The following IPO8 variants were observed in gnomAD, a reference collection of about 807,000 sequenced individuals.
IPO8 encodes the protein importin-8.
Under a neutral mutation model 141.2 loss-of-function variants are expected in IPO8, and 65 were observed. The observed-to-expected ratio is 0.46, with a 90% CI of 0.38 to 0.57. The LOEUF is 0.57. Among genes scored for constraint, IPO8 ranks in the 20% least tolerant of loss-of-function variants. The pLI, the probability that IPO8 is intolerant of heterozygous loss-of-function variation, is 0.00. For synonymous variants in IPO8, 411 were observed against 420.3 expected, an observed-to-expected ratio of 0.98 and a Z score of 0.27; for missense variants, 980 against 1,246.8, an observed-to-expected ratio of 0.79 and a Z score of 3.22.
intron 2 of IPO8, among the ~76,000 whole-genome samples, chr12:30,689,717 AATG>A (rs1271539534): frequency 1.3e-5 from 2 of 152,208 alleles, no homozygotes; most frequent in Non-Finnish European, 2.9e-5. Context: ...ACCTAACGTT[AATG>A]ATGAGTAATG....
chr12:30,659,733 T>C (rs1171598179), intron 16 of IPO8, among the ~76,000 whole-genome samples: 4 of 149,350 alleles, frequency 2.7e-5, no homozygotes, highest in Non-Finnish European at 5.9e-5. Flanking sequence ...CGGGCACCTG[T>C]AGTTCCAGCT....
At position 30,683,459 on chromosome 12, in the gene IPO8, T is replaced by A. The variant is rs192175391; in HGVS notation, c.323+842A>T. On this transcript the variant is annotated intron_variant, in intron 3 of 24. Coordinates refer to ENST00000256079, the MANE Select transcript of IPO8 (RefSeq NM_006390.4). ...TATTAAAAAATTTCATTCCTCTACC[T>A]CTGTTTTCACCTATTTGTCCCTCCC... Among the ~76,000 whole-genome samples the A allele has an allele frequency of 1.1e-3, 172 of 152,302 alleles. 1 individual carries two copies. Among genetic ancestry groups the A allele is most frequent in the Non-Finnish European group, 1.8e-3 (124 of 68,002 alleles).
At chr12:30,635,540 T>G (rs995164382) in intron 22 of IPO8, among the ~76,000 whole-genome samples, 5 of 152,146 alleles carry the variant, frequency 3.3e-5, no homozygotes, top group Non-Finnish European at 7.4e-5. Flanking sequence ...CCATGGATTC[T>G]GTATCTATTT....
At chr12:30,687,310 T>C (rs936828629) in intron 2 of IPO8, among the ~76,000 whole-genome samples, 13 of 152,214 alleles carry the variant, frequency 8.5e-5, no homozygotes, top group African/African-American at 2.9e-4. Flanking sequence ...ATGATAAAAA[T>C]GGCTGCTCTA....
chr12:30,666,938 G>C (rs2052974778), intron 10 of IPO8, among the ~76,000 whole-genome samples: 1 of 152,158 alleles, frequency 6.6e-6, no homozygotes, highest in Non-Finnish European at 1.5e-5. Context: ...AGTTCAGCAG[G>C]TTTTGTTGAA....
intron 6 of IPO8, among the ~76,000 whole-genome samples, chr12:30,675,478 G>A (rs2053106766): frequency 6.6e-6 from 1 of 152,038 alleles, no homozygotes; most frequent in Non-Finnish European, 1.5e-5. Flanking sequence ...ATTCTTAAGA[G>A]TTAAAACACT....
chr12:30,656,534 C>A, intron 17 of IPO8, 150 bp downstream of exon 17: 1 of 466,862 alleles, frequency 2.1e-6, no homozygotes, highest in South Asian at 3.2e-5. Context: ...AGATATTTAA[C>A]ACTAGAAAGG....
In IPO8 at chr12:30,638,009, A is replaced by C. The variant is rs181489327; in HGVS notation, c.2490-822T>G. 3.9e-5 allele frequency among the ~76,000 whole-genome samples: 6 copies of C among 152,324 alleles called. No individual in the cohort carries two copies. The East Asian group carries it at 1.2e-3, about 29-fold the overall frequency. ...GATTGATTCAAGTCACTAATGCCCA[A>C]CTAGTACGCTATAACAGAACTGTAC... is the stretch of plus-strand genomic sequence containing the variant. On this transcript the variant is annotated intron_variant, in intron 21 of 24. Transcript: ENST00000256079.
rs561401603 is a variant in IPO8, at chr12:30,632,094, A to C, written c.2900-83T>G. 57 of 870,618 alleles carry C rather than the reference A, an allele frequency of 6.5e-5. No homozygotes were observed. The African/African-American group carries it at 8.8e-4, about 13-fold the overall frequency. The allele number at this position is 870,618 out of a possible 1,614,324, so 53.9% of individuals were successfully genotyped here. On this transcript the variant is annotated intron_variant, in intron 23 of 24. Transcript: ENST00000256079. ...AAGTAGTAACATGATCAAATTACAA[A>C]GAAATTATCCCAGACAGTAAGAGAC... is the stretch of plus-strand genomic sequence containing the variant.
chr12:30,649,636 C>T (rs1475280074), intron 19 of IPO8, among the ~76,000 whole-genome samples: 1 of 152,092 alleles, frequency 6.6e-6, no homozygotes, highest in Non-Finnish European at 1.5e-5. Context: ...ACCATAATTT[C>T]ATATTACATA....
chr12:30,649,219 T>C lies in IPO8; in HGVS notation c.2186A>G (p.Asp729Gly). 14 of 1,612,536 alleles carry C rather than the reference T, an allele frequency of 8.7e-6. No individual in the cohort carries two copies. The highest frequency in any genetic ancestry group is 1.3e-5 in the African/African-American group (1 of 74,982). Reference protein sequence around the residue: ...FTMCRKVLCGDAGEDAECHAA... With the variant: ...FTMCRKVLCGGAGEDAECHAA... Reference sequence around the variant, plus strand: ...ATGACACTCTGCATCTTCTCCTGCATCTCCACATAGTACCTGCAGTAATTA... The same window carrying C: ...ATGACACTCTGCATCTTCTCCTGCACCTCCACATAGTACCTGCAGTAATTA... Residue 729 changes from aspartate to glycine, a missense_variant, in exon 20 of 25, where the codon GAT (aspartate) becomes GGT (glycine). Around this residue, in one of 3 missense-constraint regions of IPO8, gnomAD observed 924 missense variants for 1,153.9 expected, o/e 0.80. Transcript: ENST00000256079.
chr12:30,682,725 T>G (rs560056054), intron 3 of IPO8, among the ~76,000 whole-genome samples: 45 of 149,164 alleles, frequency 3.0e-4, no homozygotes, highest in South Asian at 2.3e-3. Flanking sequence ...ACAGGGCAAC[T>G]AAAAAAAAAA....
In IPO8 at chr12:30,649,238, G is replaced by A. The variant is rs751158449; in HGVS notation, c.2173-6C>T. The A allele has an allele frequency of 4.4e-6, 7 of 1,606,200 alleles. No homozygotes were observed. The East Asian group carries it at 1.3e-4, about 31-fold the overall frequency. Reference sequence around the variant, plus strand: ...CCTGCATCTCCACATAGTACCTGCAGTAATTACAATTTAGCTCAGCAGTAA... The same window carrying A: ...CCTGCATCTCCACATAGTACCTGCAATAATTACAATTTAGCTCAGCAGTAA... On this transcript the variant is annotated splice_region_variant and splice_polypyrimidine_tract_variant and intron_variant, in intron 19 of 24. Coordinates refer to ENST00000256079, the MANE Select transcript of IPO8 (RefSeq NM_006390.4).
At chr12:30,634,394 A>G (rs1431793592) in intron 22 of IPO8, 108 bp from the exon 23 acceptor site, 4 of 790,006 alleles carry the variant, frequency 5.1e-6, no homozygotes, top group Non-Finnish European at 7.9e-6. Context: ...AAAGGAAAAA[A>G]TCTTCCACAA....
intron 23 of IPO8, 52 bp downstream of exon 23, chr12:30,634,031 G>A (rs1396175481): frequency 2.7e-6 from 4 of 1,503,456 alleles, no homozygotes; most frequent in Non-Finnish European, 3.7e-6. Context: ...AAGAAATGAA[G>A]AAAGAGTTTA....
chr12:30,635,219 T>TTTTCG (rs2052485286), intron 22 of IPO8, among the ~76,000 whole-genome samples: 1 of 151,902 alleles, frequency 6.6e-6, no homozygotes, highest in African/African-American at 2.4e-5. Flanking sequence ...AAGAATTAGG[T>TTTTCG]TTTTGTTTTG....
At chr12:30,674,304 C>T (rs1015529845) in intron 7 of IPO8, among the ~76,000 whole-genome samples, 3 of 151,940 alleles carry the variant, frequency 2.0e-5, no homozygotes, top group Non-Finnish European at 4.4e-5. Flanking sequence ...ACCAAGAGCT[C>T]CTAAAGGGTG....
intron 3 of IPO8, among the ~76,000 whole-genome samples, chr12:30,683,844 T>C (rs994637518): frequency 1.3e-5 from 2 of 152,172 alleles, no homozygotes; most frequent in Non-Finnish European, 2.9e-5. Flanking sequence ...TACTCTATCC[T>C]GTCTTCTCTG....
At chr12:30,694,529 C>T (rs554635539) in intron 1 of IPO8, among the ~76,000 whole-genome samples, 48 of 152,086 alleles carry the variant, frequency 3.2e-4, no homozygotes, top group Non-Finnish European at 5.1e-4. Flanking sequence ...TTCAGTCACA[C>T]TTCGGGAGGC....
Sources: gnomAD v4.1 joint callset for allele counts (sites outside exome capture counted in the v4.1 genomes callset) on GRCh38, gnomAD v4.1.1 for gene constraint, gnomAD v4.1.1 regional missense constraint, MANE v1.5 for transcripts, NCBI Gene and HGNC (gene_info 2026-07-23, HGNC 2026-07-21) for gene names.